Variants in ZSWIM4 observed in about 807,000 individuals in gnomAD.
ZSWIM4 encodes zinc finger SWIM-type containing 4.
In ZSWIM4, 62 loss-of-function variants were observed where a neutral mutation model predicts 102.5. That is an observed-to-expected ratio of 0.60 (90% CI 0.49 to 0.75). The LOEUF (loss-of-function observed/expected upper bound fraction) is 0.75. Among genes scored for constraint, ZSWIM4 ranks in the 30% least tolerant of loss-of-function variants. The pLI is 0.00. For missense variants in ZSWIM4, 1,280 were observed against 1,529.6 expected, an observed-to-expected ratio of 0.84 and a Z score of 2.72; for synonymous variants, 652 against 674.5, an observed-to-expected ratio of 0.97 and a Z score of 0.52.
intron 1 of ZSWIM4, among the ~76,000 whole-genome samples, chr19:13,796,012 T>C (rs2145236916): frequency 7.2e-6 from 1 of 139,838 alleles, no homozygotes; most frequent in African/African-American, 2.7e-5. Flanking sequence ...CCCCATCCCT[T>C]CTCTGCCATC....
At chr19:13,805,184 GC>G in intron 3 of ZSWIM4, 36 bp downstream of exon 3, 1 of 1,543,976 alleles carries the variant, frequency 6.5e-7, no homozygotes, top group Non-Finnish European at 8.8e-7. Context: ...GGGAGAGGAT[GC>G]CCAAGCGCAC....
intron 9 of ZSWIM4, among the ~76,000 whole-genome samples, chr19:13,819,144 G>C (rs1428199317): frequency 6.6e-6 from 1 of 152,024 alleles, no homozygotes; most frequent in Non-Finnish European, 1.5e-5. Context: ...GATTACAGGC[G>C]TGAGCCACCG....
chr19:13,830,416 A>T lies in ZSWIM4; in HGVS notation c.2687A>T (p.Glu896Val). 3.1e-6 allele frequency: 5 copies of T among 1,611,116 alleles called. No individual in the cohort carries two copies. Among genetic ancestry groups the T allele is most frequent in the Non-Finnish European group, 4.2e-6 (5 of 1,179,934 alleles). Residue 896 changes from glutamate to valine, a missense_variant, in exon 14 of 14, where the codon GAG becomes GTG. Coordinates refer to ENST00000590508, the MANE Select transcript of ZSWIM4 (RefSeq NM_001367834.3). ...GCCTTGCCTGCCCTGACCCTGTGCGAGAAGAACCACTCGGCCTTCGAGGCG... is the reference window on the plus strand; with the variant it reads ...GCCTTGCCTGCCCTGACCCTGTGCGTGAAGAACCACTCGGCCTTCGAGGCG... ...NCALPALTLC[E>V]KNHSAFEAAY...
intron 2 of ZSWIM4, among the ~76,000 whole-genome samples, chr19:13,802,389 G>C (rs1599581709): frequency 6.6e-6 from 1 of 151,560 alleles, no homozygotes; most frequent in East Asian, 2.0e-4. Context: ...AGTTCAGCCT[G>C]GCCAACATGG....
chr19:13,816,897 G>A (rs913876594), intron 7 of ZSWIM4, among the ~76,000 whole-genome samples: 1 of 152,114 alleles, frequency 6.6e-6, no homozygotes, highest in East Asian at 1.9e-4. Flanking sequence ...AATGAGGAGG[G>A]GAATGACACT....
chr19:13,799,087 C>T (rs1398304781), intron 1 of ZSWIM4, among the ~76,000 whole-genome samples: 1 of 151,758 alleles, frequency 6.6e-6, no homozygotes, highest in Non-Finnish European at 1.5e-5. Flanking sequence ...CTGCCCTGAC[C>T]TATTTTTTTT....
Position 13,795,632 on chromosome 19 carries a change from G to T in ZSWIM4, c.-17G>T. ...CCCAAAGAGGCCCCGCCCCGGCCCT[G>T]GCCCCGGCCGGGCCGGATGGAACCC... On this transcript the variant is annotated 5_prime_UTR_variant, in exon 1 of 14. Transcript: ENST00000590508. 1 of 486,162 alleles carries T rather than the reference G, an allele frequency of 2.1e-6. No homozygotes were observed. Among genetic ancestry groups the T allele is most frequent in the Non-Finnish European group, 3.0e-6 (1 of 337,212 alleles). The allele number at this position is 486,162 out of a possible 1,614,324, so 30.1% of individuals were successfully genotyped here. A position where few individuals can be genotyped will look rare whatever the true frequency, so the allele number is the denominator to read the frequency against.
Position 13,814,808 on chromosome 19 carries a change from A to T in ZSWIM4, c.1474A>T (p.Asn492Tyr). The change falls in exon 7 of 14, where the codon AAC becomes TAC. Residue 492 changes from asparagine (N) to tyrosine (Y), a missense_variant. Transcript: ENST00000590508. ...CCTGCGGCTGGCAAGTGCCATCATC[A>T]ACACACTCCGGCTGCAGCAGCGGCA... The part of the protein sequence containing the change: ...QALRLASAII[N>Y]TLRLQQRHQL... 1 of 1,280,104 alleles carries T rather than the reference A, an allele frequency of 7.8e-7. No homozygotes were observed. Among genetic ancestry groups the T allele is most frequent in the Non-Finnish European group, 1.0e-6 (1 of 981,352 alleles). The allele number at this position is 1,280,104 out of a possible 1,614,324, so 79.3% of individuals were successfully genotyped here.
At chr19:13,826,803 A>G (rs775934694) in intron 12 of ZSWIM4, among the ~76,000 whole-genome samples, 2 of 152,050 alleles carry the variant, frequency 1.3e-5, no homozygotes, top group African/African-American at 4.8e-5. Context: ...AGGGCCTGCA[A>G]CTGAGTGTCT....
intron 10 of ZSWIM4, among the ~76,000 whole-genome samples, chr19:13,821,895 C>T (rs999877987): frequency 8.5e-5 from 13 of 152,058 alleles, no homozygotes; most frequent in African/African-American, 3.1e-4. Flanking sequence ...CACCACCACG[C>T]CTGGTTAATT....
Position 13,831,247 on chromosome 19 carries a change from C to A in ZSWIM4, c.*197C>A. The A allele has an allele frequency of 1.5e-6, 1 of 675,908 alleles. No individual in the cohort carries two copies. The highest frequency in any genetic ancestry group is 4.2e-4 in the Middle Eastern group (1 of 2,396). The allele number at this position is 675,908 out of a possible 1,614,324, so 41.9% of individuals were successfully genotyped here. ...GAGCAAGTGTGCAAGACTCCAGAAG[C>A]AGAAGCCATACTGCCACCCAGAAGC... On this transcript the variant is annotated 3_prime_UTR_variant, in exon 14 of 14. Coordinates refer to ENST00000590508, the MANE Select transcript of ZSWIM4 (RefSeq NM_001367834.3).
intron 2 of ZSWIM4, among the ~76,000 whole-genome samples, chr19:13,803,934 T>C (rs1974842920): frequency 6.7e-6 from 1 of 149,058 alleles, no homozygotes; most frequent in South Asian, 2.2e-4. Flanking sequence ...CGATCTCAGC[T>C]CACTGCAACC....
chr19:13,812,585 G>T (rs1599596581), intron 5 of ZSWIM4, among the ~76,000 whole-genome samples: 2 of 149,222 alleles, frequency 1.3e-5, no homozygotes, highest in East Asian at 2.0e-4. Context: ...TCAGCCTCCT[G>T]AATAGCTGGG....
chr19:13,811,292 C>T (rs150372016), intron 5 of ZSWIM4, among the ~76,000 whole-genome samples: 18 of 152,276 alleles, frequency 1.2e-4, no homozygotes, highest in African/African-American at 4.1e-4. Flanking sequence ...GAAGACCTCA[C>T]TCTGTCTATT....
chr19:13,812,457 A>ACTT (rs1342960300), intron 5 of ZSWIM4, among the ~76,000 whole-genome samples: 37 of 137,960 alleles, frequency 2.7e-4, no homozygotes, highest in African/African-American at 1.1e-3. Flanking sequence ...TGTAATCCCA[A>ACTT]CTTTTTTTTT....
intron 1 of ZSWIM4, 27 bp downstream of exon 1, chr19:13,795,828 C>T: frequency 4.1e-6 from 5 of 1,217,932 alleles, no homozygotes; most frequent in South Asian, 7.9e-5. Flanking sequence ...GGGGCGGGGG[C>T]AGGGACGCAC....
intron 3 of ZSWIM4, among the ~76,000 whole-genome samples, chr19:13,805,987 G>T (rs537881261): frequency 6.7e-6 from 1 of 149,158 alleles, no homozygotes; most frequent in Non-Finnish European, 1.5e-5. Context: ...AAAAAAAAGC[G>T]TTCATGATCA....
intron 11 of ZSWIM4, among the ~76,000 whole-genome samples, chr19:13,824,350 C>T (rs140569316): frequency 1.2e-4 from 19 of 152,012 alleles, no homozygotes; most frequent in African/African-American, 4.3e-4. Context: ...TCACTTGAGG[C>T]CAGGAGTTCG....
In ZSWIM4 at chr19:13,822,149, A is replaced by AAC. The variant is rs147655793; in HGVS notation, c.2061-1185_2061-1184dup. Among the ~76,000 whole-genome samples the AAC allele has an allele frequency of 7.9e-5, 9 of 113,260 alleles. No individual in the cohort carries two copies. The East Asian group carries it at 1.8e-3, about 23-fold the overall frequency. 74.3% of individuals were successfully genotyped at this position (113,260 alleles called of 152,430 possible). On this transcript the variant is annotated intron_variant, in intron 10 of 13. Transcript: ENST00000590508. ...TTGGCCCATCTCTTTAAAACACACA[A>AAC]ACACACACACACATACACACACACA...
Sources: allele counts gnomAD v4.1 joint callset (sites outside exome capture counted in the v4.1 genomes callset), GRCh38; gene constraint gnomAD v4.1.1; transcripts MANE v1.5; gene names NCBI Gene and HGNC (gene_info 2026-07-23, HGNC 2026-07-21).